Variants in LIPC observed in about 807,000 individuals in gnomAD.
LIPC encodes hepatic triacylglycerol lipase.
A neutral mutation model predicts 50.7 loss-of-function variants in LIPC; 44 were observed. The ratio of observed to expected loss-of-function variants is 0.87; its 90% CI spans 0.68 to 1.11. The LOEUF is 1.11. LIPC is among the 50% of genes most tolerant of loss of function. The probability of loss-of-function intolerance (pLI) is 0.00; values close to 1 mark genes in which losing one functional copy is unlikely to be tolerated. For synonymous variants in LIPC, 271 were observed against 256.4 expected, an observed-to-expected ratio of 1.06 and a Z score of -0.54; for missense variants, 697 against 648.2, an observed-to-expected ratio of 1.08 and a Z score of -0.82.
At chr15:58,471,117 T>A (rs527624319) in intron 1 of LIPC, among the ~76,000 whole-genome samples, 1 of 146,828 alleles carries the variant, frequency 6.8e-6, no homozygotes, top group Admixed American at 6.8e-5. Flanking sequence ...GTAAGTAGGA[T>A]TTTTTTTTTC....
chr15:58,525,298 G>T (rs971273980), intron 1 of LIPC, among the ~76,000 whole-genome samples: 8 of 152,168 alleles, frequency 5.3e-5, no homozygotes, highest in African/African-American at 1.9e-4. Context: ...TTTCTATTCT[G>T]CTTCTTTATC....
At chr15:58,565,046 T>C in intron 8 of LIPC, 1 of 689,654 alleles carries the variant, frequency 1.5e-6, no homozygotes, top group Non-Finnish European at 2.5e-6. Context: ...CCCCTGGGTT[T>C]CACTGCCAGA....
intron 8 of LIPC, chr15:58,566,521 C>T (rs1335828925): frequency 4.4e-6 from 4 of 899,634 alleles, no homozygotes; most frequent in African/African-American, 3.6e-5. Context: ...ATCCCAGAAT[C>T]GGGATGGGAA....
Position 58,563,601 on chromosome 15 carries a change from C to T in LIPC, c.1266C>T (p.Asn422=), listed in dbSNP as rs1260054193. The part of the protein sequence containing the change: ...ELIMIKFKWE[N]SAVWANVWDT... ...TCATGATCAAGTTCAAGTGGGAAAA[C>T]AGTGCAGTGTGGGCCAATGTCTGGG... is the stretch of plus-strand genomic sequence containing the variant. The change falls in exon 8 of 9, where the codon AAC becomes AAT. Residue 422 remains asparagine (N), a synonymous_variant. Transcript: ENST00000299022. 1.2e-6 allele frequency: 2 copies of T among 1,614,046 alleles called. No individual in the cohort carries two copies. The highest frequency in any genetic ancestry group is 1.7e-6 in the Non-Finnish European group (2 of 1,180,018).
chr15:58,499,788 T>C (rs1299465651), intron 1 of LIPC, among the ~76,000 whole-genome samples: 8 of 152,204 alleles, frequency 5.3e-5, no homozygotes, highest in African/African-American at 1.9e-4. Flanking sequence ...AGCCCTGGTC[T>C]AAGTGAGGTT....
At chr15:58,445,342 AT>A (rs2140655600) in intron 1 of LIPC, among the ~76,000 whole-genome samples, 1 of 152,218 alleles carries the variant, frequency 6.6e-6, no homozygotes, top group South Asian at 2.1e-4. Context: ...TTTGAGAGGT[AT>A]TTCTCCCATA....
chr15:58,449,171 C>T (rs1372909542), intron 1 of LIPC, among the ~76,000 whole-genome samples: 1 of 152,204 alleles, frequency 6.6e-6, no homozygotes, highest in Non-Finnish European at 1.5e-5. Context: ...AGACGCCAGT[C>T]TGCGAGCACC....
At chr15:58,444,281 T>C (rs1893609879) in intron 1 of LIPC, among the ~76,000 whole-genome samples, 1 of 152,118 alleles carries the variant, frequency 6.6e-6, no homozygotes, top group Non-Finnish European at 1.5e-5. Flanking sequence ...CACTCGTGAG[T>C]GAGCCTATCC....
intron 1 of LIPC, among the ~76,000 whole-genome samples, chr15:58,472,551 G>T (rs565746326): frequency 6.8e-5 from 10 of 147,152 alleles, no homozygotes; most frequent in Admixed American, 6.1e-4. Flanking sequence ...ACTCCAGCCT[G>T]GGCAAGAGAG....
intron 6 of LIPC, among the ~76,000 whole-genome samples, chr15:58,559,664 C>G (rs1372550801): frequency 4.7e-5 from 7 of 149,618 alleles, no homozygotes; most frequent in African/African-American, 1.7e-4. Flanking sequence ...CAAGGTGGCA[C>G]TGCACCCAAG....
At chr15:58,435,704 G>C (rs1343298707) in intron 1 of LIPC, 1 of 152,212 alleles carries the variant, frequency 6.6e-6, no homozygotes, top group Non-Finnish European at 1.5e-5. Context: ...GAGGTTAGGA[G>C]TTCAAAACCA....
chr15:58,501,347 CTT>C (rs11453466), intron 1 of LIPC, among the ~76,000 whole-genome samples: 4,630 of 134,798 alleles, frequency 0.034, 134 homozygotes, highest in African/African-American at 0.084. Context: ...GCCTCTCATA[CTT>C]TTTTTTTTTT....
At chr15:58,483,791 G>T (rs1891272311) in intron 1 of LIPC, among the ~76,000 whole-genome samples, 1 of 151,846 alleles carries the variant, frequency 6.6e-6, no homozygotes, top group African/African-American at 2.4e-5. Context: ...TAATAGCTCT[G>T]CAAAAAGTGC....
intron 1 of LIPC, among the ~76,000 whole-genome samples, chr15:58,502,533 A>G (rs967246245): frequency 1.9e-5 from 2 of 105,316 alleles, no homozygotes; most frequent in Non-Finnish European, 4.1e-5. Context: ...GTTTGTTTTT[A>G]TGAAAACGTA....
intron 5 of LIPC, among the ~76,000 whole-genome samples, chr15:58,547,374 G>A (rs1435515636): frequency 1.3e-5 from 2 of 152,208 alleles, no homozygotes; most frequent in African/African-American, 4.8e-5. Flanking sequence ...AGGAGCTGCA[G>A]TGAAGATGCA....
At chr15:58,472,270 CAAAAA>C (rs35901617) in intron 1 of LIPC, among the ~76,000 whole-genome samples, 15 of 87,640 alleles carry the variant, frequency 1.7e-4, no homozygotes, top group African/African-American at 6.7e-4. Flanking sequence ...CATTTGGTCT[CAAAAA>C]AAAAAAAAAA....
intron 6 of LIPC, among the ~76,000 whole-genome samples, chr15:58,553,240 TG>T (rs1893823511): frequency 6.6e-6 from 1 of 152,110 alleles, no homozygotes; most frequent in South Asian, 2.1e-4. Flanking sequence ...ACAACAGTCC[TG>T]GCCGCACACA....
At chr15:58,508,247 G>A (rs756353016) in intron 1 of LIPC, among the ~76,000 whole-genome samples, 2 of 151,672 alleles carry the variant, frequency 1.3e-5, no homozygotes, top group Admixed American at 1.3e-4. Context: ...AGGGTGGGGG[G>A]TAGGGAGTGA....
chr15:58,557,620 C>T (rs1454658184), intron 6 of LIPC, among the ~76,000 whole-genome samples: 2 of 151,996 alleles, frequency 1.3e-5, no homozygotes, highest in East Asian at 1.9e-4. Flanking sequence ...CTGTTGACCT[C>T]GTGATCCGCC....
Sources: allele counts gnomAD v4.1 joint callset (sites outside exome capture counted in the v4.1 genomes callset), GRCh38; gene constraint gnomAD v4.1.1; transcripts MANE v1.5; gene names NCBI Gene and HGNC (gene_info 2026-07-23, HGNC 2026-07-21).